Variants in MAP3K7CL observed in about 807,000 individuals in gnomAD.
MAP3K7CL encodes the protein MAP3K7 C-terminal-like protein.
Under a neutral mutation model 18.6 loss-of-function variants are expected in MAP3K7CL, and 16 were observed. The observed-to-expected ratio is 0.86, with a 90% CI of 0.58 to 1.31. The LOEUF (loss-of-function observed/expected upper bound fraction) is 1.31, where lower values mean the gene tolerates loss of function less well. MAP3K7CL is among the 50% of genes most tolerant of loss of function. MAP3K7CL has a pLI of 0.00. For synonymous variants in MAP3K7CL, 65 were observed against 66.8 expected (o/e 0.97, Z 0.13); for missense variants, 163 against 174.4 (o/e 0.93, Z 0.37).
At chr21:29,081,025 A>G (rs900528467), upstream of MAP3K7CL, among the ~76,000 whole-genome samples, 20 of 151,992 alleles carry the variant, frequency 1.3e-4, no homozygotes, top group Admixed American at 9.8e-4. Flanking sequence ...TGGCTCGCCC[A>G]GACTTGGCAG....
At chr21:29,133,168 C>G in intron 1 of MAP3K7CL, 138 bp from the exon 2 acceptor site, 1 of 531,932 alleles carries the variant, frequency 1.9e-6, no homozygotes, top group East Asian at 3.1e-5. Context: ...AGAAAAAGCT[C>G]AAAACTAGGA....
intron 4 of MAP3K7CL, among the ~76,000 whole-genome samples, chr21:29,114,444 A>G (rs2146569597): frequency 6.6e-6 from 1 of 151,770 alleles, no homozygotes; most frequent in African/African-American, 2.4e-5. Context: ...AGGCTGGAGG[A>G]CAGTGGTGCA....
intron 1 of MAP3K7CL, among the ~76,000 whole-genome samples, chr21:29,090,052 T>G (rs1248583940): frequency 1.3e-5 from 2 of 152,246 alleles, no homozygotes; most frequent in African/African-American, 4.8e-5. Context: ...TCACCATTAT[T>G]GAATCAGTGA....
chr21:29,138,266 G>A lies in MAP3K7CL; in HGVS notation c.70+4852G>A, dbSNP rs8128013. ...ACTTAGCTAATGGTAATTCCCAGAG[G>A]CAGTGATGCCTGTCTTTAATGAGCT... On this transcript the variant is annotated intron_variant, in intron 2 of 4. Transcript: ENST00000399928. Among the ~76,000 whole-genome samples, 1,518 of 152,292 alleles carry A rather than the reference G, an allele frequency of 1.0e-2. 21 individuals are homozygous for A. Among genetic ancestry groups the A allele is most frequent in the African/African-American group, 0.035 (1,441 of 41,544 alleles).
At chr21:29,090,318 T>C (rs1384824069) in intron 1 of MAP3K7CL, among the ~76,000 whole-genome samples, 1 of 152,162 alleles carries the variant, frequency 6.6e-6, no homozygotes, top group African/African-American at 2.4e-5. Context: ...TTCTACCAAA[T>C]GTTACAAAAT....
chr21:29,121,993 A>T (rs1365796493), intron 4 of MAP3K7CL: 4 of 152,184 alleles, frequency 2.6e-5, no homozygotes, highest in African/African-American at 9.7e-5. Flanking sequence ...AGTCATCAGC[A>T]TGGGGAGGAG....
intron 4 of MAP3K7CL, among the ~76,000 whole-genome samples, chr21:29,120,475 G>A (rs986483946): frequency 1.3e-5 from 2 of 152,168 alleles, no homozygotes; most frequent in Non-Finnish European, 2.9e-5. Context: ...TACAGTAGCT[G>A]TCTTAAAGGG....
At chr21:29,102,477 CTTTT>C (rs563608855) in intron 4 of MAP3K7CL, 103 of 92,256 alleles carry the variant, frequency 1.1e-3, no homozygotes, top group African/African-American at 2.0e-3. Context: ...CTCTCTCTCT[CTTTT>C]TTTTTTTTTT....
chr21:29,097,645 C>T (rs1250562845), intron 4 of MAP3K7CL, among the ~76,000 whole-genome samples: 2 of 151,810 alleles, frequency 1.3e-5, no homozygotes, highest in Non-Finnish European at 2.9e-5. Flanking sequence ...GGTCAAATAA[C>T]ACGATATGTA....
At chr21:29,168,704 G>A (rs1205573163) in intron 4 of MAP3K7CL, among the ~76,000 whole-genome samples, 1 of 152,148 alleles carries the variant, frequency 6.6e-6, no homozygotes. Flanking sequence ...TCCATTATTG[G>A]AACACTAAAT....
intron 1 of MAP3K7CL, among the ~76,000 whole-genome samples, chr21:29,078,867 G>A (rs551650828): frequency 2.6e-5 from 4 of 152,332 alleles, no homozygotes; most frequent in African/African-American, 9.6e-5. Flanking sequence ...CATGAGACAA[G>A]GCATGGCTAA....
intron 3 of MAP3K7CL, 60 bp downstream of exon 3, chr21:29,149,310 T>G: frequency 1.5e-5 from 22 of 1,443,880 alleles, no homozygotes; most frequent in Non-Finnish European, 2.0e-5. Context: ...TATAGCGAGC[T>G]GGGCAGAGAG....
At chr21:29,165,992 T>G (rs1329794806) in intron 4 of MAP3K7CL, among the ~76,000 whole-genome samples, 2 of 152,234 alleles carry the variant, frequency 1.3e-5, no homozygotes, top group African/African-American at 4.8e-5. Context: ...CTCAAACATT[T>G]GTCATATCTT....
At position 29,159,990 on chromosome 21, in the gene MAP3K7CL, A is replaced by G; in HGVS notation, c.182A>G (p.Gln61Arg). ...GAGGAATCCATGGAGGTGTTCAAAC[A>G]GCACTGCCAAATAGCAGAAGAATAC... ...DSEESMEVFK[Q>R]HCQIAEEYHE... Residue 61 changes from glutamine (Q) to arginine (R), a missense_variant, in exon 4 of 5, where the codon CAG becomes CGG. Coordinates refer to ENST00000399928, the MANE Select transcript of MAP3K7CL (RefSeq NM_001286620.2). 6.2e-7 allele frequency: 1 copy of G among 1,614,154 alleles called. No homozygotes were observed. The highest frequency in any genetic ancestry group is 8.5e-7 in the Non-Finnish European group (1 of 1,179,998).
chr21:29,132,789 C>T (rs2086804183), intron 1 of MAP3K7CL, among the ~76,000 whole-genome samples: 1 of 152,176 alleles, frequency 6.6e-6, no homozygotes, highest in Non-Finnish European at 1.5e-5. Flanking sequence ...GGGTTACAGG[C>T]ATGAGCCACC....
chr21:29,141,377 G>T (rs1282045220), intron 2 of MAP3K7CL, among the ~76,000 whole-genome samples: 4 of 152,032 alleles, frequency 2.6e-5, no homozygotes, highest in Admixed American at 1.3e-4. Flanking sequence ...GCCAGGTGTG[G>T]TGGCAGGTGC....
At chr21:29,085,995 A>G (rs2085919368) in intron 1 of MAP3K7CL, 1 of 1,498,680 alleles carries the variant, frequency 6.7e-7, no homozygotes, top group African/African-American at 1.4e-5. Context: ...AGGGTGGGAA[A>G]AATGTAGGAA....
intron 3 of MAP3K7CL, among the ~76,000 whole-genome samples, chr21:29,153,600 C>T (rs1396327693): frequency 6.6e-6 from 1 of 152,110 alleles, no homozygotes; most frequent in Admixed American, 6.6e-5. Context: ...AGGTGCATGC[C>T]ACCACACCTG....
intron 4 of MAP3K7CL, among the ~76,000 whole-genome samples, chr21:29,118,021 T>A (rs1275574676): frequency 2.0e-5 from 3 of 151,238 alleles, no homozygotes; most frequent in African/African-American, 7.3e-5. Flanking sequence ...ATTCAGGGAC[T>A]GGCTCCACCT....
Sources: gnomAD v4.1 joint callset for allele counts (sites outside exome capture counted in the v4.1 genomes callset) on GRCh38, gnomAD v4.1.1 for gene constraint, MANE v1.5 for transcripts, NCBI Gene and HGNC (gene_info 2026-07-23, HGNC 2026-07-21) for gene names.